Variants in TIPRL observed in about 807,000 individuals in gnomAD.
The protein encoded by TIPRL is TIP41-like protein.
TIPRL carries 10 observed loss-of-function variants against 32.3 expected under a neutral mutation model. The observed-to-expected ratio is 0.31, with a 90% CI of 0.19 to 0.52. TIPRL has a LOEUF of 0.52. Among genes scored for constraint, TIPRL ranks in the 20% least tolerant of loss-of-function variants. TIPRL has a pLI of 0.96. For synonymous variants in TIPRL, 100 were observed against 114.0 expected (o/e 0.88, Z 0.78); for missense variants, 250 against 328.1 (o/e 0.76, Z 1.84).
chr1:168,190,049 C>T (rs16860165), intron 3 of TIPRL, among the ~76,000 whole-genome samples: 5,590 of 152,202 alleles, frequency 0.037, 343 homozygotes, highest in African/African-American at 0.13. Context: ...ATAAAAAGGA[C>T]GAAATTTACA....
In TIPRL at chr1:168,200,167, AGG is replaced by A; in HGVS notation, c.*122_*123del. 2 of 1,116,732 alleles carry A rather than the reference AGG, an allele frequency of 1.8e-6. No homozygotes were observed. Among genetic ancestry groups the A allele is most frequent in the Middle Eastern group, 2.4e-4 (1 of 4,200 alleles). 69.2% of individuals were successfully genotyped at this position (1,116,732 alleles called of 1,614,324 possible). The stretch of plus-strand genomic sequence containing the variant: ...ATGTACAGATTTTCTGTAGCCTTAA[AGG>A]AAAAAAAAATAAAGATCGTTACAGG... On this transcript the variant is annotated 3_prime_UTR_variant, in exon 7 of 7. Coordinates refer to ENST00000367833, the MANE Select transcript of TIPRL (RefSeq NM_152902.5).
At chr1:168,182,562 G>T (rs1699981339) in intron 1 of TIPRL, among the ~76,000 whole-genome samples, 1 of 152,142 alleles carries the variant, frequency 6.6e-6, no homozygotes, top group South Asian at 2.1e-4. Flanking sequence ...GGAGGCGGAA[G>T]TTGCAGTGAG....
At chr1:168,190,500 A>C (rs1700083520) in intron 3 of TIPRL, among the ~76,000 whole-genome samples, 1 of 152,126 alleles carries the variant, frequency 6.6e-6, no homozygotes, top group African/African-American at 2.4e-5. Context: ...CCATCTGCTA[A>C]TTTTGTCCAT....
chr1:168,182,086 A>AT (rs1699973561), intron 1 of TIPRL, among the ~76,000 whole-genome samples: 1 of 112,952 alleles, frequency 8.9e-6, no homozygotes, highest in Non-Finnish European at 1.6e-5. Context: ...AAAAAAAAAA[A>AT]AATGCCTTTT....
At chr1:168,199,412 C>CT (rs57302101) in intron 6 of TIPRL, among the ~76,000 whole-genome samples, 152,288 of 152,288 alleles carry the variant, frequency 1, 76,144 homozygotes, top group Non-Finnish European at 1. Context: ...TTTTACTCCC[C>CT]GGGACCTGTG....
intron 1 of TIPRL, 82 bp downstream of exon 1, chr1:168,179,263 T>G: frequency 8.2e-7 from 1 of 1,215,916 alleles, no homozygotes. Context: ...GTGCAGCCCC[T>G]CCCCTTTTCC....
intron 4 of TIPRL, among the ~76,000 whole-genome samples, chr1:168,192,868 A>AG (rs35602066): frequency 0.48 from 72,512 of 151,980 alleles, 20,494 homozygotes; most frequent in African/African-American, 0.78. Context: ...CCTGGGCAAC[A>AG]AGCGAGACTC....
chr1:168,183,377 A>ATTTTTTTTTTTTTTTTTTTTTTT (rs55731463), intron 1 of TIPRL, among the ~76,000 whole-genome samples: 1 of 129,786 alleles, frequency 7.7e-6, no homozygotes, highest in African/African-American at 3.0e-5. Context: ...AATTCCTGTG[A>ATTTTTTTTTTTTTTTTTTTTTTT]TTTTTTTTTT....
chr1:168,196,156 A>G (rs1019451347), intron 4 of TIPRL, among the ~76,000 whole-genome samples: 2 of 152,206 alleles, frequency 1.3e-5, no homozygotes, highest in African/African-American at 4.8e-5. Context: ...TGTAAAGTGA[A>G]TAGGTGAGTA....
chr1:168,194,657 C>G (rs965059024), intron 4 of TIPRL, among the ~76,000 whole-genome samples: 6 of 152,194 alleles, frequency 3.9e-5, no homozygotes, highest in Non-Finnish European at 7.3e-5. Flanking sequence ...GTTATTTCTA[C>G]AGCTTTCCTT....
At chr1:168,192,647 C>G (rs1335212252) in intron 4 of TIPRL, among the ~76,000 whole-genome samples, 1 of 152,164 alleles carries the variant, frequency 6.6e-6, no homozygotes, top group Non-Finnish European at 1.5e-5. Flanking sequence ...GCCTGTAATC[C>G]CAGCACTTTG....
At chr1:168,192,034 T>G (rs1700104416) in intron 4 of TIPRL, among the ~76,000 whole-genome samples, 1 of 152,188 alleles carries the variant, frequency 6.6e-6, no homozygotes, top group Admixed American at 6.5e-5. Context: ...CCTGGCCACC[T>G]TGTAGTTTAT....
rs188954088 is a variant in TIPRL, at chr1:168,195,655, G to A, written c.517-892G>A. Among the ~76,000 whole-genome samples the A allele has an allele frequency of 7.6e-4, 116 of 152,152 alleles. 2 individuals are homozygous for A. The South Asian group carries it at 0.02, about 26-fold the overall frequency. ...AGTGTTACAATCATGGCTCACTGCAGCCTATCTCCCAGGCCCAAGCCATCC... is the reference window on the plus strand; with the variant it reads ...AGTGTTACAATCATGGCTCACTGCAACCTATCTCCCAGGCCCAAGCCATCC... On this transcript the variant is annotated intron_variant, in intron 4 of 6. Coordinates refer to ENST00000367833, the MANE Select transcript of TIPRL (RefSeq NM_152902.5).
At chr1:168,183,811 G>T in intron 1 of TIPRL, 91 bp from the exon 2 acceptor site, 1 of 1,341,450 alleles carries the variant, frequency 7.5e-7, no homozygotes, top group Non-Finnish European at 1.0e-6. Context: ...AACTCATTCA[G>T]CAAGTAGGAA....
intron 4 of TIPRL, 101 bp downstream of exon 4, chr1:168,191,601 G>A (rs959623976): frequency 9.8e-7 from 1 of 1,024,444 alleles, no homozygotes; most frequent in Non-Finnish European, 1.3e-6. Flanking sequence ...GCCGGGCGCG[G>A]TGGCTCACGC....
Position 168,198,901 on chromosome 1 carries a change from GT to G in TIPRL, c.613-15del. 6.3e-7 allele frequency: 1 copy of G among 1,578,942 alleles called. No individual in the cohort carries two copies. The highest frequency in any genetic ancestry group is 8.7e-7 in the Non-Finnish European group (1 of 1,153,460). On this transcript the variant is annotated splice_polypyrimidine_tract_variant and intron_variant, in intron 5 of 6. Coordinates refer to ENST00000367833, the MANE Select transcript of TIPRL (RefSeq NM_152902.5). Reference sequence around the variant, plus strand: ...CAGTATAATTAAATTTATTGCAACTGTTTATTTTTAAATACAGGCTGACAAG... The same window carrying G: ...CAGTATAATTAAATTTATTGCAACTGTTATTTTTAAATACAGGCTGACAAG...
chr1:168,199,598 C>T (rs975959169), intron 6 of TIPRL, among the ~76,000 whole-genome samples: 5 of 152,026 alleles, frequency 3.3e-5, no homozygotes, highest in East Asian at 1.9e-4. Flanking sequence ...GTGCTCTAAC[C>T]GAAGACTAGT....
intron 2 of TIPRL, 112 bp downstream of exon 2, chr1:168,184,193 C>A: frequency 1.0e-6 from 1 of 987,758 alleles, no homozygotes; most frequent in Non-Finnish European, 1.4e-6. Context: ...GAATGAAGGG[C>A]TGGTATTATT....
chr1:168,195,442 C>T (rs1351061954), intron 4 of TIPRL, among the ~76,000 whole-genome samples: 2 of 152,164 alleles, frequency 1.3e-5, no homozygotes, highest in Non-Finnish European at 2.9e-5. Flanking sequence ...TTGACCTTTC[C>T]CTGGCTGATA....
Sources: gnomAD v4.1 joint callset for allele counts (sites outside exome capture counted in the v4.1 genomes callset) on GRCh38, gnomAD v4.1.1 for gene constraint, MANE v1.5 for transcripts, NCBI Gene and HGNC (gene_info 2026-07-23, HGNC 2026-07-21) for gene names.